AGBL1: variants seen among roughly 807,000 people sequenced by gnomAD.
AGBL1 encodes the protein AGBL carboxypeptidase 1.
Under a neutral mutation model 118.9 loss-of-function variants are expected in AGBL1, and 130 were observed. That is an observed-to-expected ratio of 1.09 (90% CI 0.95 to 1.26). The LOEUF is 1.26. Among genes scored for constraint, AGBL1 ranks in the 50% most tolerant of loss-of-function variants. The pLI, the probability that AGBL1 is intolerant of heterozygous loss-of-function variation, is 0.00. For missense variants in AGBL1, 1,584 were observed against 1,298.1 expected (o/e 1.22, Z -3.38); for synonymous variants, 555 against 478.9 (o/e 1.16, Z -2.08).
intron 24 of AGBL1, among the ~76,000 whole-genome samples, chr15:87,006,168 C>A (rs953429122): frequency 1.3e-5 from 2 of 152,222 alleles, no homozygotes; most frequent in East Asian, 3.9e-4. Flanking sequence ...GGCAGTCTGT[C>A]TGTTCTTAGA....
chr15:86,767,739 G>A (rs778991986), intron 22 of AGBL1, among the ~76,000 whole-genome samples: 10 of 151,932 alleles, frequency 6.6e-5, no homozygotes, highest in African/African-American at 9.7e-5. Context: ...ACTAAGAACA[G>A]AGATTTTAAA....
At chr15:86,897,184 T>C (rs76834953) in intron 22 of AGBL1, among the ~76,000 whole-genome samples, 1 of 152,190 alleles carries the variant, frequency 6.6e-6, no homozygotes, top group Non-Finnish European at 1.5e-5. Flanking sequence ...GCTTATATAC[T>C]TTTTTCCTTT....
Position 86,279,776 on chromosome 15 carries a change from C to A in AGBL1, c.2213C>A (p.Ala738Asp), listed in dbSNP as rs896098364. ...TACCACTATCCCTATACCTACACAG[C>A]CCTCATGGTAACTTCCTCTTTATAG... The part of the protein sequence containing the change: ...LAYHYPYTYT[A>D]LMTHLDILEK... The change falls in exon 16 of 23, where the codon GCC becomes GAC. Residue 738 changes from alanine to aspartate, a missense_variant. Ala to Asp is a moderately radical substitution (Grantham distance 126). Transcript: ENST00000614907. 1 of 1,613,642 alleles carries A rather than the reference C, an allele frequency of 6.2e-7. No individual in the cohort carries two copies. The highest frequency in any genetic ancestry group is 8.5e-7 in the Non-Finnish European group (1 of 1,179,682).
chr15:86,777,916 GGAAATTCAGCCAGATATCCTGC>G (rs1222807005), intron 22 of AGBL1, among the ~76,000 whole-genome samples: 14 of 151,994 alleles, frequency 9.2e-5, no homozygotes, highest in Non-Finnish European at 1.8e-4. Flanking sequence ...AATTATCGGG[GGAAATTCAGCCAGATATCCTGC>G]GAAATTCAGC....
chr15:86,699,193 T>C (rs1358716104), intron 22 of AGBL1, among the ~76,000 whole-genome samples: 1 of 152,078 alleles, frequency 6.6e-6, no homozygotes. Flanking sequence ...CATTGAGATT[T>C]GTCAAATGTT....
chr15:86,819,177 T>C (rs74027121), intron 22 of AGBL1, among the ~76,000 whole-genome samples: 2 of 152,154 alleles, frequency 1.3e-5, no homozygotes, highest in African/African-American at 4.8e-5. Flanking sequence ...TATTTGTTTG[T>C]ATGAAAAGGG....
intron 17 of AGBL1, among the ~76,000 whole-genome samples, chr15:86,316,539 C>T (rs1253081287): frequency 6.6e-6 from 1 of 152,150 alleles, no homozygotes; most frequent in Non-Finnish European, 1.5e-5. Context: ...ACCCAGAGGT[C>T]AGTCATTGTG....
chr15:87,001,112 C>A (rs2081432559), intron 24 of AGBL1, among the ~76,000 whole-genome samples: 1 of 140,016 alleles, frequency 7.1e-6, no homozygotes. Flanking sequence ...TGCTTATCAG[C>A]TTAAGGAGAT....
intron 1 of AGBL1, among the ~76,000 whole-genome samples, chr15:86,135,024 CCT>C (rs2076870708): frequency 6.6e-6 from 1 of 152,032 alleles, no homozygotes; most frequent in African/African-American, 2.4e-5. Context: ...GGAGTTGGGG[CCT>C]AATGGGGCGC....
chr15:86,383,820 C>T (rs1051296915), intron 17 of AGBL1, among the ~76,000 whole-genome samples: 2 of 152,158 alleles, frequency 1.3e-5, no homozygotes, highest in African/African-American at 2.4e-5. Context: ...TTCTCCTGTT[C>T]TAATACTTTT....
At chr15:86,130,360 C>T (rs150941723) in intron 1 of AGBL1, among the ~76,000 whole-genome samples, 78 of 152,054 alleles carry the variant, frequency 5.1e-4, no homozygotes, top group African/African-American at 1.7e-3. Flanking sequence ...ATGAAGATCT[C>T]CTATTGACTC....
intron 22 of AGBL1, among the ~76,000 whole-genome samples, chr15:86,769,039 A>G (rs1367669683): frequency 1.3e-5 from 2 of 151,994 alleles, no homozygotes; most frequent in African/African-American, 4.8e-5. Flanking sequence ...CAGTCGCCAA[A>G]GGAGCATATT....
At chr15:86,323,544 G>T (rs1290872041) in intron 17 of AGBL1, among the ~76,000 whole-genome samples, 2 of 152,166 alleles carry the variant, frequency 1.3e-5, no homozygotes, top group Non-Finnish European at 2.9e-5. Flanking sequence ...TTCATTGACA[G>T]ATTATGTTAA....
intron 21 of AGBL1, among the ~76,000 whole-genome samples, chr15:86,664,175 C>T (rs1173045603): frequency 1.3e-5 from 2 of 152,102 alleles, no homozygotes; most frequent in African/African-American, 4.8e-5. Context: ...GCTGAAAGGA[C>T]ACACACAGAG....
intron 21 of AGBL1, among the ~76,000 whole-genome samples, chr15:86,608,044 A>G (rs758274236): frequency 6.6e-6 from 1 of 152,186 alleles, no homozygotes; most frequent in Non-Finnish European, 1.5e-5. Context: ...TTTCATTAGT[A>G]TTTACAAGTG....
At chr15:86,621,300 C>T (rs1264802754) in intron 21 of AGBL1, among the ~76,000 whole-genome samples, 1 of 152,152 alleles carries the variant, frequency 6.6e-6, no homozygotes, top group East Asian at 1.9e-4. Flanking sequence ...TGGTTCAAGT[C>T]CTTGCTCTGC....
At chr15:86,546,474 A>G (rs2083584364) in intron 20 of AGBL1, among the ~76,000 whole-genome samples, 1 of 152,128 alleles carries the variant, frequency 6.6e-6, no homozygotes, top group Non-Finnish European at 1.5e-5. Context: ...GGTCATTAAC[A>G]TTACCTCTCT....
chr15:87,017,118 G>A (rs1437051550), intron 24 of AGBL1, among the ~76,000 whole-genome samples: 1 of 152,128 alleles, frequency 6.6e-6, no homozygotes, highest in East Asian at 1.9e-4. Flanking sequence ...AGTGGCAACA[G>A]GCTGGAGTCT....
chr15:86,821,922 G>A (rs187301843), intron 22 of AGBL1, among the ~76,000 whole-genome samples: 59 of 152,174 alleles, frequency 3.9e-4, no homozygotes, highest in African/African-American at 1.4e-3. Context: ...TATCGCATGG[G>A]CACAACCCAA....
Sources: allele counts gnomAD v4.1 joint callset (sites outside exome capture counted in the v4.1 genomes callset), GRCh38; gene constraint gnomAD v4.1.1; transcripts MANE v1.5; gene names NCBI Gene and HGNC (gene_info 2026-07-23, HGNC 2026-07-21).